ALG5: variants seen among roughly 807,000 people sequenced by gnomAD.
ALG5 encodes the protein ALG5 dolichyl-phosphate beta-glucosyltransferase, also known as dolichyl-phosphate beta-glucosyltransferase.
A neutral mutation model predicts 51.8 loss-of-function variants in ALG5; 26 were observed. That is an observed-to-expected ratio of 0.50 (90% CI 0.37 to 0.70). The LOEUF is 0.70. Ranked by LOEUF, ALG5 falls within the 30% of genes least tolerant of loss-of-function variation. ALG5 has a pLI of 0.00. For missense variants in ALG5, 311 were observed against 399.3 expected (o/e 0.78, Z 1.88); for synonymous variants, 141 against 136.1 (o/e 1.04, Z -0.25).
intron 8 of ALG5, among the ~76,000 whole-genome samples, chr13:36,964,412 G>A (rs943323561): frequency 5.3e-5 from 8 of 152,148 alleles, no homozygotes; most frequent in Non-Finnish European, 1.2e-4. Flanking sequence ...GAGAAATGGA[G>A]GAACACAAAA....
intron 9 of ALG5, among the ~76,000 whole-genome samples, chr13:36,952,283 G>A (rs999763633): frequency 7.9e-5 from 12 of 152,132 alleles, no homozygotes; most frequent in African/African-American, 2.9e-4. Context: ...AAGTTTCTTC[G>A]ACAAGGTAGT....
Position 36,995,441 on chromosome 13 carries a change from G to GT in ALG5, c.221dup (p.Tyr74Ter). ...AGGGCTTACACCGTTTTTCTTCATTGTATGAAGGCACAACGACAGAAAGTT... is the reference window on the plus strand; with the variant it reads ...AGGGCTTACACCGTTTTTCTTCATTGTTATGAAGGCACAACGACAGAAAGTT... ...TKQLSVVVPS[Y>*]NEEKRLPVMM... Residue 74 changes from tyrosine (Y) to a stop codon, truncating the protein, a stop_gained and frameshift_variant, in exon 2 of 10, where the codon TAC (tyrosine) becomes TAAC (stop). Transcript: ENST00000239891. LOFTEE classifies it high-confidence loss of function. The GT allele has an allele frequency of 6.2e-7, 1 of 1,611,640 alleles. No individual in the cohort carries two copies. The highest frequency in any genetic ancestry group is 8.5e-7 in the Non-Finnish European group (1 of 1,179,446).
intron 8 of ALG5, among the ~76,000 whole-genome samples, chr13:36,956,950 C>G (rs1316083718): frequency 6.6e-6 from 1 of 152,082 alleles, no homozygotes; most frequent in East Asian, 1.9e-4. Flanking sequence ...AGCCCCAGTA[C>G]TAAGCAGAAG....
chr13:36,955,324 T>C (rs1336265871), intron 8 of ALG5, among the ~76,000 whole-genome samples: 1 of 152,172 alleles, frequency 6.6e-6, no homozygotes, highest in Non-Finnish European at 1.5e-5. Context: ...TTTAGTGCCA[T>C]ACTATAGACA....
At chr13:36,982,725 T>A (rs949640152) in intron 6 of ALG5, among the ~76,000 whole-genome samples, 1 of 152,218 alleles carries the variant, frequency 6.6e-6, no homozygotes, top group Non-Finnish European at 1.5e-5. Context: ...AACCATATTT[T>A]TCACTGGGTG....
chr13:36,983,588 GCTT>G (rs1346583200), intron 6 of ALG5, among the ~76,000 whole-genome samples: 1 of 150,110 alleles, frequency 6.7e-6, no homozygotes, highest in Admixed American at 6.7e-5. Context: ...AAAAAAGGTA[GCTT>G]TTAGCAACAA....
chr13:36,977,404 C>A (rs2058956892), intron 6 of ALG5, among the ~76,000 whole-genome samples: 1 of 151,982 alleles, frequency 6.6e-6, no homozygotes, highest in Non-Finnish European at 1.5e-5. Flanking sequence ...GTAGTCCTAG[C>A]CACTAGGGAG....
intron 9 of ALG5, among the ~76,000 whole-genome samples, chr13:36,950,880 C>T (rs910344012): frequency 6.6e-6 from 1 of 152,052 alleles, no homozygotes; most frequent in Admixed American, 6.6e-5. Flanking sequence ...GTGACTGCAC[C>T]CAGCCACAGC....
intron 7 of ALG5, 83 bp downstream of exon 7, chr13:36,971,893 GC>G: frequency 9.7e-7 from 1 of 1,034,510 alleles, no homozygotes; most frequent in Non-Finnish European, 1.4e-6. Context: ...AGACATAAAA[GC>G]CAGTTTCTTG....
chr13:36,959,850 G>T (rs2058857867), intron 8 of ALG5, among the ~76,000 whole-genome samples: 1 of 151,820 alleles, frequency 6.6e-6, no homozygotes, highest in Non-Finnish European at 1.5e-5. Flanking sequence ...TAACATGGGG[G>T]TATAAATAAG....
At chr13:36,979,247 T>C (rs2058968001) in intron 6 of ALG5, among the ~76,000 whole-genome samples, 1 of 152,108 alleles carries the variant, frequency 6.6e-6, no homozygotes, top group African/African-American at 2.4e-5. Flanking sequence ...CAAACGCCTG[T>C]CCTCAGGTTC....
chr13:36,959,414 T>C (rs929793673), intron 8 of ALG5, among the ~76,000 whole-genome samples: 1 of 152,238 alleles, frequency 6.6e-6, no homozygotes, highest in Non-Finnish European at 1.5e-5. Context: ...TTATGCTACA[T>C]TGTATTCATA....
intron 6 of ALG5, among the ~76,000 whole-genome samples, chr13:36,975,364 A>C (rs1307557998): frequency 6.6e-6 from 1 of 152,134 alleles, no homozygotes; most frequent in East Asian, 1.9e-4. Context: ...GATGTTGCTG[A>C]TTGCACCCCC....
chr13:36,965,029 C>G (rs146842918), intron 8 of ALG5, among the ~76,000 whole-genome samples: 1 of 151,600 alleles, frequency 6.6e-6, no homozygotes, highest in African/African-American at 2.4e-5. Context: ...AACACTTTTT[C>G]AAGAGAAGGT....
intron 6 of ALG5, among the ~76,000 whole-genome samples, chr13:36,983,937 G>T (rs949045868): frequency 6.6e-6 from 1 of 151,736 alleles, no homozygotes; most frequent in Non-Finnish European, 1.5e-5. Flanking sequence ...ATTTGGGGGG[G>T]CCTTATATGT....
chr13:36,979,469 GACTA>G (rs1282494478), intron 6 of ALG5, among the ~76,000 whole-genome samples: 3 of 152,240 alleles, frequency 2.0e-5, no homozygotes, highest in Non-Finnish European at 2.9e-5. Flanking sequence ...AAGGGAGAAG[GACTA>G]ACTGTCACAT....
At chr13:36,954,472 T>C (rs1466864343) in intron 8 of ALG5, among the ~76,000 whole-genome samples, 1 of 152,180 alleles carries the variant, frequency 6.6e-6, no homozygotes, top group Non-Finnish European at 1.5e-5. Flanking sequence ...ATTACAGGCT[T>C]GAGCCACTGT....
At chr13:36,981,902 C>T (rs1169380718) in intron 6 of ALG5, among the ~76,000 whole-genome samples, 1 of 152,158 alleles carries the variant, frequency 6.6e-6, no homozygotes, top group Admixed American at 6.5e-5. Flanking sequence ...TCCTGGCTAA[C>T]ACGGTGAAAC....
At position 36,977,942 on chromosome 13, in the gene ALG5, AGTG is replaced by A. The variant is rs2058961212; in HGVS notation, c.562-5909_562-5907del. ...CACTCTGTTGCCCAGGCTGGAGTAC[AGTG>A]GCAAGATCTCGGCTCATTGCAACAA... On this transcript the variant is annotated intron_variant, in intron 6 of 9. Transcript: ENST00000239891. Among the ~76,000 whole-genome samples, 6 of 148,482 alleles carry A rather than the reference AGTG, an allele frequency of 4.0e-5. No individual in the cohort carries two copies. In the South Asian group the frequency reaches 1.1e-3, roughly 27 times the overall value.
Sources: gnomAD v4.1 joint callset for allele counts (sites outside exome capture counted in the v4.1 genomes callset) on GRCh38, gnomAD v4.1.1 for gene constraint, MANE v1.5 for transcripts, NCBI Gene and HGNC (gene_info 2026-07-23, HGNC 2026-07-21) for gene names.